The following RDX variants were observed in gnomAD, a reference collection of about 807,000 sequenced individuals.
RDX encodes radixin.
RDX carries 32 observed loss-of-function variants against 83.7 expected under a neutral mutation model. That is an observed-to-expected ratio of 0.38 (90% CI 0.29 to 0.51). The LOEUF is 0.51. Ranked by LOEUF, RDX falls within the 20% of genes least tolerant of loss-of-function variation. The pLI is 0.87. For missense variants in RDX, 600 were observed against 689.9 expected, an observed-to-expected ratio of 0.87 and a Z score of 1.46; for synonymous variants, 229 against 222.7, an observed-to-expected ratio of 1.03 and a Z score of -0.25.
chr11:110,178,845 G>A (rs1447321658), intron 15 of RDX, among the ~76,000 whole-genome samples: 1 of 152,172 alleles, frequency 6.6e-6, no homozygotes, highest in Non-Finnish European at 1.5e-5. Context: ...TTGACTTGAT[G>A]ACAGACATAT....
intron 15 of RDX, among the ~76,000 whole-genome samples, chr11:110,182,858 G>A (rs1862914741): frequency 6.6e-6 from 1 of 152,116 alleles, no homozygotes; most frequent in African/African-American, 2.4e-5. Flanking sequence ...GAGCGTCTAC[G>A]GATTCTATGT....
intron 1 of RDX, among the ~76,000 whole-genome samples, chr11:110,288,948 C>T (rs1201010691): frequency 6.6e-6 from 1 of 152,092 alleles, no homozygotes; most frequent in Non-Finnish European, 1.5e-5. Context: ...ACAAAAAAAG[C>T]TCCTTACAGC....
intron 5 of RDX, among the ~76,000 whole-genome samples, 198 bp downstream of exon 5, chr11:110,263,762 G>A (rs1445534485): frequency 6.6e-6 from 1 of 151,770 alleles, no homozygotes; most frequent in East Asian, 1.9e-4. Context: ...CAGCTACTCA[G>A]GAGGCTGAGG....
intron 10 of RDX, among the ~76,000 whole-genome samples, chr11:110,240,870 C>T (rs1385032917): frequency 6.6e-6 from 1 of 150,768 alleles, no homozygotes; most frequent in Non-Finnish European, 1.5e-5. Context: ...GCCTGGCCAA[C>T]ATGGCAAAAC....
At chr11:110,262,358 G>A (rs1307173068) in intron 5 of RDX, among the ~76,000 whole-genome samples, 1 of 152,184 alleles carries the variant, frequency 6.6e-6, no homozygotes, top group East Asian at 1.9e-4. Context: ...GCCGAAGCGG[G>A]TGGATCATTT....
chr11:110,263,631 C>T (rs1048755788), intron 5 of RDX, among the ~76,000 whole-genome samples: 2 of 150,870 alleles, frequency 1.3e-5, no homozygotes, highest in Non-Finnish European at 2.9e-5. Flanking sequence ...GAGGCTGAGG[C>T]GGGCAGATCA....
At chr11:110,203,332 T>TA (rs1172547884) in intron 14 of RDX, among the ~76,000 whole-genome samples, 2 of 148,160 alleles carry the variant, frequency 1.3e-5, no homozygotes, top group African/African-American at 2.5e-5. Context: ...CTCATGGAGA[T>TA]AGAGAGTAAA....
chr11:110,239,338 T>C (rs1028177878), intron 10 of RDX, among the ~76,000 whole-genome samples: 13 of 151,868 alleles, frequency 8.6e-5, no homozygotes, highest in Non-Finnish European at 1.0e-4. Flanking sequence ...AGATAATGGG[T>C]GTTACATCAA....
intron 5 of RDX, among the ~76,000 whole-genome samples, chr11:110,259,043 GCGTAGCTGGGATTACA>G (rs1193568692): frequency 6.6e-6 from 1 of 151,766 alleles, no homozygotes; most frequent in Admixed American, 6.6e-5. Context: ...TCGGCCTCCC[GCGTAGCTGGGATTACA>G]GGCGTGCGCC....
chr11:110,233,377 C>T lies in RDX; in HGVS notation c.1447G>A (p.Glu483Lys). Reference sequence around the variant, plus strand: ...TCATCGTGTTCATCATGTTCGTTTTCTGTTGGAGGAATGACTGGTGGTGGT... The same window carrying T: ...TCATCGTGTTCATCATGTTCGTTTTTTGTTGGAGGAATGACTGGTGGTGGT... ...PPPPPVIPPTENEHDEHDENN... is the reference protein window; with the variant it reads ...PPPPPVIPPTKNEHDEHDENN... Residue 483 changes from glutamate to lysine, a missense_variant, in exon 13 of 14, where the codon GAA (glutamate) becomes AAA (lysine). Physicochemically the swap from Glu to Lys is moderately conservative, Grantham distance 56. Transcript: ENST00000645495. The T allele has an allele frequency of 6.2e-7, 1 of 1,614,082 alleles. No homozygotes were observed. Among genetic ancestry groups the T allele is most frequent in the Non-Finnish European group, 8.5e-7 (1 of 1,180,014 alleles).
intron 14 of RDX, among the ~76,000 whole-genome samples, chr11:110,223,466 T>TG (rs1214015709): frequency 6.6e-6 from 1 of 152,026 alleles, no homozygotes; most frequent in Non-Finnish European, 1.5e-5. Flanking sequence ...AGGTGAAAGT[T>TG]GCAGTGCACC....
At chr11:110,237,205 A>G (rs1359818021) in intron 11 of RDX, among the ~76,000 whole-genome samples, 2 of 151,580 alleles carry the variant, frequency 1.3e-5, no homozygotes, top group Non-Finnish European at 2.9e-5. Context: ...CAACTGACTT[A>G]TTACCGAACC....
chr11:110,290,111 A>G (rs546226375), intron 1 of RDX, among the ~76,000 whole-genome samples: 186 of 152,212 alleles, frequency 1.2e-3, no homozygotes, highest in South Asian at 5.6e-3. Context: ...CAAAAACAAC[A>G]GGAAGATTTA....
At chr11:110,246,015 A>G (rs1445628675) in intron 10 of RDX, among the ~76,000 whole-genome samples, 1 of 152,140 alleles carries the variant, frequency 6.6e-6, no homozygotes, top group Non-Finnish European at 1.5e-5. Context: ...CCCACCTCTC[A>G]GCCTCCTGAG....
At chr11:110,248,915 T>A (rs1311426327) in intron 9 of RDX, among the ~76,000 whole-genome samples, 1 of 152,208 alleles carries the variant, frequency 6.6e-6, no homozygotes, top group African/African-American at 2.4e-5. Context: ...CACAATTCCA[T>A]TAGAATGACA....
intron 15 of RDX, chr11:110,196,190 T>C (rs761104006): frequency 2.0e-5 from 3 of 152,184 alleles, no homozygotes; most frequent in Non-Finnish European, 4.4e-5. Flanking sequence ...AGAAAGTGAA[T>C]AGGAAAGTCA....
chr11:110,271,744 G>A (rs1014950121), intron 3 of RDX, among the ~76,000 whole-genome samples: 47 of 151,914 alleles, frequency 3.1e-4, no homozygotes, highest in Non-Finnish European at 2.4e-4. Context: ...TTAACATACC[G>A]GATACCTGAC....
At chr11:110,267,460 C>A (rs1015398785) in intron 3 of RDX, among the ~76,000 whole-genome samples, 1 of 150,312 alleles carries the variant, frequency 6.7e-6, no homozygotes, top group Admixed American at 6.7e-5. Flanking sequence ...CTGCAGTGAG[C>A]CGAGTTCGCG....
chr11:110,225,704 T>C (rs896726237), downstream of RDX, among the ~76,000 whole-genome samples: 1 of 152,098 alleles, frequency 6.6e-6, no homozygotes, highest in African/African-American at 2.4e-5. Flanking sequence ...GCTATGTGAA[T>C]ATAAAATGGT....
Sources: gnomAD v4.1 joint callset for allele counts (sites outside exome capture counted in the v4.1 genomes callset) on GRCh38, gnomAD v4.1.1 for gene constraint, MANE v1.5 for transcripts, NCBI Gene and HGNC (gene_info 2026-07-23, HGNC 2026-07-21) for gene names.